GLIS3: variants seen among roughly 807,000 people sequenced by gnomAD.
GLIS3 encodes GLIS family zinc finger 3, also known as zinc finger protein GLIS3.
In GLIS3, 53 loss-of-function variants were observed where a neutral mutation model predicts 78.6. That is an observed-to-expected ratio of 0.67 (90% CI 0.54 to 0.85). GLIS3 has a LOEUF of 0.85. GLIS3 is among the 40% of genes least tolerant of loss of function. GLIS3 has a pLI of 0.00. For synonymous variants in GLIS3, 684 were observed against 509.9 expected, an observed-to-expected ratio of 1.34 and a Z score of -4.60; for missense variants, 1,703 against 1,231.1, an observed-to-expected ratio of 1.38 and a Z score of -5.74.
intron 2 of GLIS3, among the ~76,000 whole-genome samples, chr9:4,236,158 G>A (rs1311346798): frequency 9.6e-6 from 1 of 103,880 alleles, no homozygotes; most frequent in Admixed American, 1.6e-4. Flanking sequence ...CCTGGCCACA[G>A]CTAGGAAAAC....
chr9:4,364,995 G>A, the GLIS3 span, among the ~76,000 whole-genome samples: 1 of 151,938 alleles, frequency 6.6e-6, no homozygotes, highest in African/African-American at 2.4e-5. Flanking sequence ...TTTTATTTTG[G>A]AGTGAAAAGA....
At chr9:4,380,994 G>C in the GLIS3 span, among the ~76,000 whole-genome samples, 1 of 152,168 alleles carries the variant, frequency 6.6e-6, no homozygotes, top group Admixed American at 6.5e-5. Flanking sequence ...AGGACAGGCA[G>C]AAATGGCCAG....
chr9:4,316,083 G>A (rs148979889), intron 2 of GLIS3, among the ~76,000 whole-genome samples: 281 of 152,218 alleles, frequency 1.8e-3, no homozygotes, highest in African/African-American at 5.9e-3. Flanking sequence ...GTATGTATAT[G>A]CTATTCCCCT....
At chr9:3,834,820 A>T (rs1482295062) in intron 9 of GLIS3, among the ~76,000 whole-genome samples, 1 of 152,202 alleles carries the variant, frequency 6.6e-6, no homozygotes, top group Non-Finnish European at 1.5e-5. Context: ...GAAGCTGAGG[A>T]ATGTTTTAGG....
intron 4 of GLIS3, 81 bp downstream of exon 4, chr9:4,117,687 G>A: frequency 6.5e-7 from 1 of 1,536,696 alleles, no homozygotes; most frequent in Non-Finnish European, 9.0e-7. Context: ...AAACTCCATG[G>A]GCCGAGTTAG....
chr9:4,031,190 ACAG>A (rs1823804957), intron 4 of GLIS3, among the ~76,000 whole-genome samples: 1 of 152,254 alleles, frequency 6.6e-6, no homozygotes, highest in Non-Finnish European at 1.5e-5. Context: ...CAAATACGTC[ACAG>A]CAGTACTATT....
intron 2 of GLIS3, among the ~76,000 whole-genome samples, chr9:4,197,587 C>T (rs374808509): frequency 1.2e-4 from 19 of 152,306 alleles, no homozygotes; most frequent in African/African-American, 3.4e-4. Flanking sequence ...TGCTGGTGCT[C>T]GTGCCTGCTG....
chr9:4,220,976 C>T (rs1397788284), intron 2 of GLIS3, among the ~76,000 whole-genome samples: 1 of 152,056 alleles, frequency 6.6e-6, no homozygotes, highest in Non-Finnish European at 1.5e-5. Context: ...CACAGCAAGA[C>T]CCTGTCTCTA....
At chr9:4,285,930 C>G in intron 2 of GLIS3, 108 bp downstream of exon 2, 1 of 1,331,956 alleles carries the variant, frequency 7.5e-7, no homozygotes. Flanking sequence ...TCATCTTTGA[C>G]CCTGACACTG....
At chr9:3,932,209 T>G in intron 6 of GLIS3, 151 bp downstream of exon 6, 2 of 648,058 alleles carry the variant, frequency 3.1e-6, no homozygotes, top group Non-Finnish European at 5.7e-6. Flanking sequence ...GCCTTGCTAT[T>G]ACTTCATGGG....
At chr9:3,842,577 C>T (rs1008046224) in intron 9 of GLIS3, among the ~76,000 whole-genome samples, 22 of 152,118 alleles carry the variant, frequency 1.4e-4, no homozygotes, top group Non-Finnish European at 1.6e-4. Flanking sequence ...TGGGGAGCCA[C>T]GGTGAGAGGG....
the GLIS3 span, among the ~76,000 whole-genome samples, chr9:4,459,274 G>A: frequency 0.55 from 84,221 of 151,908 alleles, 23,821 homozygotes; most frequent in South Asian, 0.71. Flanking sequence ...CTGGATGTGG[G>A]AATATAAGAG....
At chr9:3,926,452 G>A (rs943043175) in intron 6 of GLIS3, among the ~76,000 whole-genome samples, 7 of 151,730 alleles carry the variant, frequency 4.6e-5, no homozygotes, top group African/African-American at 1.7e-4. Flanking sequence ...GGATGGTCTC[G>A]ATCTCCTGAC....
At chr9:4,388,672 T>C in the GLIS3 span, among the ~76,000 whole-genome samples, 1 of 151,790 alleles carries the variant, frequency 6.6e-6, no homozygotes, top group Non-Finnish European at 1.5e-5. Flanking sequence ...CGAGACTCCA[T>C]CTCAAAAACA....
At chr9:4,083,164 G>A (rs543804166) in intron 4 of GLIS3, among the ~76,000 whole-genome samples, 25 of 152,270 alleles carry the variant, frequency 1.6e-4, no homozygotes, top group Middle Eastern at 3.4e-3. Flanking sequence ...CATGCCTGTG[G>A]TTTCATCCAC....
At chr9:4,291,383 T>C (rs917167004) in intron 1 of GLIS3, among the ~76,000 whole-genome samples, 1 of 152,128 alleles carries the variant, frequency 6.6e-6, no homozygotes, top group Non-Finnish European at 1.5e-5. Flanking sequence ...ACTCTGACTT[T>C]GTTTTATCTG....
At chr9:4,065,070 T>C (rs1236364440) in intron 4 of GLIS3, among the ~76,000 whole-genome samples, 3 of 152,334 alleles carry the variant, frequency 2.0e-5, no homozygotes, top group South Asian at 2.1e-4. Flanking sequence ...CCAATGACTT[T>C]AGTCCCATTC....
rs550942120 is a variant in GLIS3, at chr9:4,298,759, G to T, written c.-99+662C>A. ...GTGTCTGCGTCCTGGCGGCGTGGGAGGTTATAGTTCCAGACCTGGCGGCTG... is the reference window on the plus strand; with the variant it reads ...GTGTCTGCGTCCTGGCGGCGTGGGATGTTATAGTTCCAGACCTGGCGGCTG... On this transcript the variant is annotated intron_variant, in intron 1 of 10. Coordinates refer to ENST00000381971, the MANE Select transcript of GLIS3 (RefSeq NM_001042413.2). 3.3e-5 allele frequency among the ~76,000 whole-genome samples: 5 copies of T among 152,268 alleles called. 1 individual carries two copies. Among genetic ancestry groups the T allele is most frequent in the South Asian group, 4.1e-4 (2 of 4,824 alleles).
chr9:4,303,928 G>A (rs1029055887), upstream of GLIS3, among the ~76,000 whole-genome samples: 17 of 152,320 alleles, frequency 1.1e-4, no homozygotes, highest in African/African-American at 3.8e-4. Context: ...TATATGTGAT[G>A]TTGTAAAATT....
Sources: gnomAD v4.1 joint callset for allele counts (sites outside exome capture counted in the v4.1 genomes callset) on GRCh38, gnomAD v4.1.1 for gene constraint, MANE v1.5 for transcripts, NCBI Gene and HGNC (gene_info 2026-07-23, HGNC 2026-07-21) for gene names.